The following DNM3 variants were observed in gnomAD, a reference collection of about 807,000 sequenced individuals.
DNM3 encodes dynamin-3.
In DNM3, 47 loss-of-function variants were observed where a neutral mutation model predicts 101.6. The ratio of observed to expected loss-of-function variants is 0.46; its 90% confidence interval spans 0.37 to 0.59. The LOEUF is 0.59. Ranked by LOEUF, DNM3 falls within the 20% of genes least tolerant of loss-of-function variation. The probability of loss-of-function intolerance (pLI) is 0.00; values close to 1 mark genes in which losing one functional copy is unlikely to be tolerated. For synonymous variants in DNM3, 385 were observed against 387.9 expected (o/e 0.99, Z 0.09); for missense variants, 849 against 1,085.7 (o/e 0.78, Z 3.06).
chr1:172,278,630 G>T (rs1294296216), intron 15 of DNM3, among the ~76,000 whole-genome samples: 1 of 152,056 alleles, frequency 6.6e-6, no homozygotes, highest in Non-Finnish European at 1.5e-5. Context: ...TGATTCACTA[G>T]CCCTTTAGCT....
At chr1:172,209,192 G>A (rs1186322738) in intron 14 of DNM3, among the ~76,000 whole-genome samples, 1 of 151,942 alleles carries the variant, frequency 6.6e-6, no homozygotes, top group African/African-American at 2.4e-5. Flanking sequence ...CATACAATGA[G>A]ACACCAAGGT....
intron 13 of DNM3, among the ~76,000 whole-genome samples, chr1:172,094,376 G>A (rs4075021): frequency 0.32 from 48,302 of 151,992 alleles, 8,820 homozygotes; most frequent in Non-Finnish European, 0.4. Flanking sequence ...TTTCTACCAC[G>A]GATAAAGCAG....
chr1:171,979,953 C>T (rs561227355), intron 2 of DNM3, among the ~76,000 whole-genome samples: 2 of 152,192 alleles, frequency 1.3e-5, no homozygotes, highest in South Asian at 2.1e-4. Context: ...CTTGAGAGTA[C>T]CAGAGCCCTG....
intron 4 of DNM3, among the ~76,000 whole-genome samples, chr1:172,027,226 G>A (rs987456829): frequency 6.6e-6 from 1 of 152,094 alleles, no homozygotes. Context: ...ATAATGACAG[G>A]ATCAAATTCA....
At position 172,157,766 on chromosome 1, in the gene DNM3, G is replaced by A. The variant is rs75963696; in HGVS notation, c.1659+26478G>A. On this transcript the variant is annotated intron_variant, in intron 14 of 20. Transcript: ENST00000627582. ...ATAAGATGATTTAAGGTATACAGGA[G>A]GATGTACATAGGTTGTATGCAAATA... Among the ~76,000 whole-genome samples, 1,488 of 152,070 alleles carry A rather than the reference G, an allele frequency of 9.8e-3. 13 individuals carry two copies. Among genetic ancestry groups the A allele is most frequent in the Non-Finnish European group, 0.015 (990 of 67,966 alleles).
chr1:171,886,835 C>G (rs1413706906), intron 1 of DNM3, among the ~76,000 whole-genome samples: 1 of 152,134 alleles, frequency 6.6e-6, no homozygotes, highest in Non-Finnish European at 1.5e-5. Flanking sequence ...TTCCAATGCA[C>G]ACAGCTCTCT....
chr1:171,958,799 T>C (rs900330068), intron 2 of DNM3, among the ~76,000 whole-genome samples: 2 of 152,308 alleles, frequency 1.3e-5, no homozygotes, highest in African/African-American at 4.8e-5. Flanking sequence ...CAGATAGATA[T>C]ACCTATCTTA....
At chr1:172,175,210 G>C (rs2059113719) in intron 14 of DNM3, among the ~76,000 whole-genome samples, 1 of 151,712 alleles carries the variant, frequency 6.6e-6, no homozygotes, top group Non-Finnish European at 1.5e-5. Flanking sequence ...CCTACTTTTG[G>C]AAAAATAATG....
intron 13 of DNM3, among the ~76,000 whole-genome samples, chr1:172,124,393 C>T (rs2056503260): frequency 6.6e-6 from 1 of 152,210 alleles, no homozygotes; most frequent in African/African-American, 2.4e-5. Context: ...TTTGCAGGGA[C>T]CACAGCTCCA....
intron 1 of DNM3, among the ~76,000 whole-genome samples, chr1:171,877,523 C>T (rs1180555846): frequency 4.6e-5 from 7 of 152,178 alleles, no homozygotes; most frequent in South Asian, 2.1e-4. Flanking sequence ...AGTTTCACTT[C>T]GGCCTCCTTT....
chr1:171,850,693 C>T (rs1052659569), intron 1 of DNM3, among the ~76,000 whole-genome samples: 1 of 151,790 alleles, frequency 6.6e-6, no homozygotes, highest in Non-Finnish European at 1.5e-5. Context: ...AAAAACATAT[C>T]ATGTAAAATG....
At position 172,407,758 on chromosome 1, in the gene DNM3, T is replaced by A; in HGVS notation, c.2523-14T>A. On this transcript the variant is annotated splice_polypyrimidine_tract_variant and intron_variant, in intron 20 of 20. Coordinates refer to ENST00000627582, the MANE Select transcript of DNM3 (RefSeq NM_015569.5). ...TCTACTTGTTTCTTTACCTTTCTCT[T>A]TTTCTCTTTCTAGCCGGAGACCACC... 6.2e-7 allele frequency: 1 copy of A among 1,612,454 alleles called. No individual in the cohort carries two copies. The highest frequency in any genetic ancestry group is 8.5e-7 in the Non-Finnish European group (1 of 1,178,730).
At chr1:172,217,645 C>T (rs1046641302) in intron 14 of DNM3, among the ~76,000 whole-genome samples, 1 of 152,094 alleles carries the variant, frequency 6.6e-6, no homozygotes, top group African/African-American at 2.4e-5. Flanking sequence ...GAAAATTTAG[C>T]CTGTATCTTA....
At chr1:172,125,297 C>T (rs1375638880) in intron 13 of DNM3, among the ~76,000 whole-genome samples, 3 of 152,284 alleles carry the variant, frequency 2.0e-5, no homozygotes, top group African/African-American at 7.2e-5. Flanking sequence ...ACCCCCTGCT[C>T]ACAGGGTTCA....
intron 1 of DNM3, among the ~76,000 whole-genome samples, chr1:171,874,578 T>C (rs144857960): frequency 3.3e-5 from 5 of 152,316 alleles, no homozygotes; most frequent in Non-Finnish European, 5.9e-5. Context: ...TATAGTTCAT[T>C]ACATGGCAAA....
At position 172,379,053 on chromosome 1, in the gene DNM3, T is replaced by C; in HGVS notation, c.1929T>C (p.Phe643=). The C allele has an allele frequency of 6.2e-7, 1 of 1,612,286 alleles. No individual in the cohort carries two copies. Among genetic ancestry groups the C allele is most frequent in the East Asian group, 2.2e-5 (1 of 44,822 alleles). Residue 643 remains phenylalanine, a synonymous_variant, in exon 18 of 21, where the codon TTT becomes TTC. Transcript: ENST00000627582. ...ATGAGAATGGACAAGCAGAAAACTT[T>C]TCCATGGACCCACAATTGGAGAGGC... The part of the protein sequence containing the change: ...ENDENGQAEN[F]SMDPQLERQV...
rs559726806 is a variant in DNM3 at position 172,286,586 on chromosome 1, C to A, written c.1770-22142C>A. On this transcript the variant is annotated intron_variant, in intron 15 of 20. Coordinates refer to ENST00000627582, the MANE Select transcript of DNM3 (RefSeq NM_015569.5). Reference sequence around the variant, plus strand: ...TAAAATAAAATAAATTCACATGGCACCCAGCATCACAGCCACAAGCAACAT... The same window carrying A: ...TAAAATAAAATAAATTCACATGGCAACCAGCATCACAGCCACAAGCAACAT... Among the ~76,000 whole-genome samples, 207 of 152,252 alleles carry A rather than the reference C, an allele frequency of 1.4e-3. 1 individual carries two copies. The highest frequency in any genetic ancestry group is 4.8e-3 in the African/African-American group (198 of 41,558).
At chr1:172,193,785 A>G (rs1016473583) in intron 14 of DNM3, among the ~76,000 whole-genome samples, 4 of 151,808 alleles carry the variant, frequency 2.6e-5, no homozygotes, top group Non-Finnish European at 5.9e-5. Context: ...CGGTCTATCA[A>G]TTTTGTTAAT....
chr1:171,963,528 A>G (rs950151648), intron 2 of DNM3, among the ~76,000 whole-genome samples: 8 of 152,118 alleles, frequency 5.3e-5, no homozygotes, highest in Non-Finnish European at 1.0e-4. Flanking sequence ...TTGGGTGATA[A>G]TGATGTATCA....
Sources: gnomAD v4.1 joint callset for allele counts (sites outside exome capture counted in the v4.1 genomes callset) on GRCh38, gnomAD v4.1.1 for gene constraint, MANE v1.5 for transcripts, NCBI Gene and HGNC (gene_info 2026-07-23, HGNC 2026-07-21) for gene names.